DNAJC21: variants seen among roughly 807,000 people sequenced by gnomAD.
The protein encoded by DNAJC21 is DnaJ heat shock protein family (Hsp40) member C21, also known as dnaJ homolog subfamily C member 21.
In DNAJC21, 63 loss-of-function variants were observed where a neutral mutation model predicts 72.4. The observed-to-expected ratio is 0.87, with a 90% CI of 0.71 to 1.07. The LOEUF (loss-of-function observed/expected upper bound fraction) is 1.07, where lower values mean the gene tolerates loss of function less well. Ranked by LOEUF, DNAJC21 falls within the 50% of genes least tolerant of loss-of-function variation. The pLI, the probability that DNAJC21 is intolerant of heterozygous loss-of-function variation, is 0.00. For synonymous variants in DNAJC21, 203 were observed against 216.7 expected, an observed-to-expected ratio of 0.94 and a Z score of 0.56; for missense variants, 634 against 644.8, an observed-to-expected ratio of 0.98 and a Z score of 0.18.
At chr5:34,953,303 C>T (rs1031278159) in intron 10 of DNAJC21, among the ~76,000 whole-genome samples, 1 of 151,822 alleles carries the variant, frequency 6.6e-6, no homozygotes, top group Non-Finnish European at 1.5e-5. Context: ...ACTCTGTCAC[C>T]CCAGCTAGAA....
At chr5:34,932,471 G>GA (rs1359742273) in intron 1 of DNAJC21, among the ~76,000 whole-genome samples, 169 of 150,312 alleles carry the variant, frequency 1.1e-3, no homozygotes, top group African/African-American at 3.9e-3. Context: ...AATTCAAAAT[G>GA]CTTTACGTTC....
Position 34,944,402 on chromosome 5 carries a change from C to G in DNAJC21, c.984-465C>G, listed in dbSNP as rs1414755247. Among the ~76,000 whole-genome samples the G allele has an allele frequency of 2.0e-5, 3 of 152,314 alleles. No individual in the cohort carries two copies. In the East Asian group the frequency reaches 5.8e-4, roughly 29 times the overall value. On this transcript the variant is annotated intron_variant, in intron 7 of 11. Coordinates refer to ENST00000648817, the MANE Select transcript of DNAJC21 (RefSeq NM_001012339.3). ...CATTAAAATGTGTGTCTTCTAATTT[C>G]CCAGTGATCCCTCCAAGTCTGTGGG...
intron 1 of DNAJC21, among the ~76,000 whole-genome samples, chr5:34,931,309 AAGTC>A (rs1476157472): frequency 1.3e-5 from 2 of 152,264 alleles, no homozygotes; most frequent in African/African-American, 4.8e-5. Context: ...TCATAGCAGT[AAGTC>A]AGAAGATACA....
intron 1 of DNAJC21, among the ~76,000 whole-genome samples, chr5:34,931,310 A>G (rs988267699): frequency 6.6e-6 from 1 of 152,262 alleles, no homozygotes; most frequent in Admixed American, 6.5e-5. Context: ...CATAGCAGTA[A>G]GTCAGAAGAT....
At position 34,944,861 on chromosome 5, in the gene DNAJC21, T is replaced by C. The variant is rs748315551; in HGVS notation, c.984-6T>C. The C allele has an allele frequency of 6.2e-7, 1 of 1,614,146 alleles. No individual in the cohort carries two copies. Among genetic ancestry groups the C allele is most frequent in the Non-Finnish European group, 8.5e-7 (1 of 1,180,010 alleles). ...CGCAGCTGCTCACGTCAGATTGCTC[T>C]TTCAGCATGAAGAATCACGAGAAGT... On this transcript the variant is annotated splice_polypyrimidine_tract_variant and splice_region_variant and intron_variant, in intron 7 of 11. Coordinates refer to ENST00000648817, the MANE Select transcript of DNAJC21 (RefSeq NM_001012339.3).
At chr5:34,940,084 C>T (rs184814230) in intron 6 of DNAJC21, among the ~76,000 whole-genome samples, 8 of 152,260 alleles carry the variant, frequency 5.3e-5, no homozygotes, top group Non-Finnish European at 1.0e-4. Flanking sequence ...ACTGGATCGT[C>T]ACACAATCCC....
chr5:34,935,183 A>G (rs1764729695), intron 2 of DNAJC21, among the ~76,000 whole-genome samples: 2 of 152,206 alleles, frequency 1.3e-5, no homozygotes, highest in African/African-American at 4.8e-5. Context: ...ATTATGGATG[A>G]CAAATTATGT....
At chr5:34,939,330 A>G (rs947899581) in intron 6 of DNAJC21, among the ~76,000 whole-genome samples, 5 of 151,992 alleles carry the variant, frequency 3.3e-5, no homozygotes, top group Non-Finnish European at 5.9e-5. Context: ...CAGTGGCGCA[A>G]TCTCGGCTCA....
At chr5:34,945,710 T>C in intron 8 of DNAJC21, 51 bp from the exon 9 acceptor site, 1 of 1,485,238 alleles carries the variant, frequency 6.7e-7, no homozygotes, top group South Asian at 1.4e-5. Flanking sequence ...TTTTTCCACT[T>C]ACTCTTCACA....
rs1015669304 is a variant in DNAJC21, at chr5:34,953,951, A to G, written c.1384A>G (p.Thr462Ala). The change falls in exon 11 of 12, where the codon ACC becomes GCC. Residue 462 changes from threonine (T) to alanine (A), a missense_variant. By Grantham distance (58) the Thr-to-Ala change is moderately conservative. Coordinates refer to ENST00000648817, the MANE Select transcript of DNAJC21 (RefSeq NM_001012339.3). ...KSVPKPKGKKTKDMKKPVRVP... is the reference protein window; with the variant it reads ...KSVPKPKGKKAKDMKKPVRVP... Reference sequence around the variant, plus strand: ...TGTTCCTAAACCCAAAGGAAAGAAAACCAAAGATATGAAAAAACCTGTCAG... The same window carrying G: ...TGTTCCTAAACCCAAAGGAAAGAAAGCCAAAGATATGAAAAAACCTGTCAG... The G allele has an allele frequency of 6.2e-6, 10 of 1,611,850 alleles. No individual in the cohort carries two copies. In the African/African-American group the frequency reaches 1.1e-4, roughly 17 times the overall value.
intron 9 of DNAJC21, among the ~76,000 whole-genome samples, chr5:34,948,478 G>C (rs1350022514): frequency 6.6e-6 from 1 of 152,182 alleles, no homozygotes; most frequent in Non-Finnish European, 1.5e-5. Flanking sequence ...CTGCCAGTTA[G>C]GGAAAACTTG....
At chr5:34,931,792 GGGAGGGGGAAAGCGCAAGGGGA>G (rs1764605515) in intron 1 of DNAJC21, among the ~76,000 whole-genome samples, 1 of 152,130 alleles carries the variant, frequency 6.6e-6, no homozygotes, top group African/African-American at 2.4e-5. Flanking sequence ...TGGGGTCAGC[GGGAGGGGGAAAGCGCAAGGGGA>G]GGAGATGTTG....
At chr5:34,930,262 C>CA (rs1359975815) in intron 1 of DNAJC21, 4 of 172,476 alleles carry the variant, frequency 2.3e-5, no homozygotes, top group Non-Finnish European at 4.9e-5. Flanking sequence ...AGACCTGCCC[C>CA]AGGCTTGCTT....
At chr5:34,930,730 G>C (rs1168314843) in intron 1 of DNAJC21, among the ~76,000 whole-genome samples, 1 of 152,118 alleles carries the variant, frequency 6.6e-6, no homozygotes, top group Non-Finnish European at 1.5e-5. Flanking sequence ...CAGTAAACAC[G>C]GTTACAGAGT....
chr5:34,953,540 G>A (rs907196530), intron 10 of DNAJC21: 5 of 154,514 alleles, frequency 3.2e-5, no homozygotes, highest in Admixed American at 6.5e-5. Context: ...TGGGATTACA[G>A]GTGTGAGCCA....
chr5:34,936,855 A>G (rs1764797453), intron 4 of DNAJC21, among the ~76,000 whole-genome samples: 1 of 152,090 alleles, frequency 6.6e-6, no homozygotes, highest in Non-Finnish European at 1.5e-5. Context: ...GGTTCAAGCG[A>G]TTCTCCTGCC....
chr5:34,943,820 C>A (rs1295568083), intron 7 of DNAJC21, among the ~76,000 whole-genome samples: 1 of 152,122 alleles, frequency 6.6e-6, no homozygotes, highest in Non-Finnish European at 1.5e-5. Flanking sequence ...GAATTTATTT[C>A]TTTTTTTCAG....
chr5:34,953,032 C>G (rs1233441170), intron 10 of DNAJC21, among the ~76,000 whole-genome samples: 3 of 151,922 alleles, frequency 2.0e-5, no homozygotes, highest in African/African-American at 7.3e-5. Context: ...TGCCTGTAAT[C>G]CCAGCTATTC....
chr5:34,952,326 T>C, intron 10 of DNAJC21: 1 of 857,218 alleles, frequency 1.2e-6, no homozygotes, highest in Non-Finnish European at 1.4e-6. Flanking sequence ...TTTATGCCAT[T>C]GTGTCCTTTT....
Sources: allele counts gnomAD v4.1 joint callset (sites outside exome capture counted in the v4.1 genomes callset), GRCh38; gene constraint gnomAD v4.1.1; transcripts MANE v1.5; gene names NCBI Gene and HGNC (gene_info 2026-07-23, HGNC 2026-07-21).